The following PDE4D variants were observed in gnomAD, a reference collection of about 807,000 sequenced individuals.
The protein encoded by PDE4D is 3',5'-cyclic-AMP phosphodiesterase 4D.
A neutral mutation model predicts 87.4 loss-of-function variants in PDE4D; 24 were observed. That is an observed-to-expected ratio of 0.27 (90% CI 0.20 to 0.39). The LOEUF (loss-of-function observed/expected upper bound fraction) is 0.39. Among genes scored for constraint, PDE4D ranks in the 10% least tolerant of loss-of-function variants. The pLI is 1.00. For missense variants in PDE4D, 714 were observed against 1,041.0 expected, an observed-to-expected ratio of 0.69 and a Z score of 4.32; for synonymous variants, 384 against 383.2, an observed-to-expected ratio of 1.00 and a Z score of -0.02.
At chr5:60,344,138 C>G (rs1044384092) in intron 1 of PDE4D, among the ~76,000 whole-genome samples, 63 of 148,418 alleles carry the variant, frequency 4.2e-4, no homozygotes, top group Admixed American at 4.2e-3. Context: ...GACAACATAA[C>G]AATAGGTTAG....
chr5:60,162,425 T>A (rs1347844083), intron 2 of PDE4D, among the ~76,000 whole-genome samples: 1 of 152,154 alleles, frequency 6.6e-6, no homozygotes, highest in Non-Finnish European at 1.5e-5. Flanking sequence ...TAAAACCTTT[T>A]GTTGGGTTTT....
chr5:60,185,497 A>G, intron 2 of PDE4D: 1 of 1,194,538 alleles, frequency 8.4e-7, no homozygotes, highest in Non-Finnish European at 1.2e-6. Flanking sequence ...ATCCAAAACC[A>G]AAACTAAAAT....
At chr5:60,427,104 A>T (rs1743789057) in intron 1 of PDE4D, among the ~76,000 whole-genome samples, 1 of 152,200 alleles carries the variant, frequency 6.6e-6, no homozygotes, top group African/African-American at 2.4e-5. Context: ...ATGTAATTGG[A>T]ATCCTAGAAA....
At position 60,229,231 on chromosome 5, in the gene PDE4D, A is replaced by T. The variant is rs1196054556; in HGVS notation, c.-89-43544T>A. ...AAAAAATAAACATCCTGGCACTTCA[A>T]TATATTCACTTCAGAACTTTGGTCC... On this transcript the variant is annotated intron_variant, in intron 1 of 16. Transcript: ENST00000502484. 2.6e-5 allele frequency among the ~76,000 whole-genome samples: 4 copies of T among 152,144 alleles called. No individual in the cohort carries two copies. In the East Asian group the frequency reaches 5.8e-4, roughly 22 times the overall value.
chr5:60,505,946 G>A (rs1198372882), intron 1 of PDE4D, among the ~76,000 whole-genome samples: 2 of 152,222 alleles, frequency 1.3e-5, no homozygotes, highest in East Asian at 1.9e-4. Flanking sequence ...GCCCAGTCAG[G>A]AAGCAGCTGA....
At chr5:60,304,200 G>A (rs1754212827) in intron 1 of PDE4D, 1 of 152,080 alleles carries the variant, frequency 6.6e-6, no homozygotes, top group African/African-American at 2.4e-5. Flanking sequence ...TTCTTGGTTT[G>A]GGGAATTTTA....
intron 2 of PDE4D, among the ~76,000 whole-genome samples, chr5:60,052,490 C>A (rs777658876): frequency 5.9e-5 from 9 of 152,074 alleles, no homozygotes; most frequent in Non-Finnish European, 1.2e-4. Context: ...ATTCAACACC[C>A]CTTCATGCTA....
At chr5:59,115,753 G>A (rs2153442089) in intron 5 of PDE4D, among the ~76,000 whole-genome samples, 1 of 152,278 alleles carries the variant, frequency 6.6e-6, no homozygotes. Flanking sequence ...TAGATATCAT[G>A]CTTATCAACA....
At chr5:59,796,601 A>G (rs888434322) in intron 1 of PDE4D, among the ~76,000 whole-genome samples, 4 of 152,242 alleles carry the variant, frequency 2.6e-5, no homozygotes, top group African/African-American at 9.6e-5. Flanking sequence ...TTTAGCTCCT[A>G]TTATAATTAC....
chr5:59,381,933 T>C (rs979578928), intron 1 of PDE4D, among the ~76,000 whole-genome samples: 2 of 152,160 alleles, frequency 1.3e-5, no homozygotes, highest in Non-Finnish European at 2.9e-5. Context: ...ACTAGGGGCT[T>C]AGAAAAGTGA....
At chr5:59,659,097 G>T (rs375194749) in intron 1 of PDE4D, among the ~76,000 whole-genome samples, 2 of 152,146 alleles carry the variant, frequency 1.3e-5, no homozygotes, top group Non-Finnish European at 2.9e-5. Context: ...GATTTTCACC[G>T]TCAAAGGAGA....
intron 1 of PDE4D, among the ~76,000 whole-genome samples, chr5:59,859,251 T>C (rs1362327279): frequency 6.6e-6 from 1 of 152,212 alleles, no homozygotes; most frequent in Non-Finnish European, 1.5e-5. Context: ...CTTAAAGACA[T>C]GAGAGGTGCC....
chr5:59,861,092 A>G (rs1206616854), intron 1 of PDE4D, among the ~76,000 whole-genome samples: 2 of 149,646 alleles, frequency 1.3e-5, no homozygotes, highest in Non-Finnish European at 1.5e-5. Context: ...GCTGGTTTCG[A>G]ACTCCTGACC....
chr5:60,043,930 T>G (rs182729660), intron 2 of PDE4D, among the ~76,000 whole-genome samples: 4 of 152,302 alleles, frequency 2.6e-5, no homozygotes, highest in Admixed American at 2.0e-4. Flanking sequence ...CTTTAAATAT[T>G]TCACGCTACC....
intron 2 of PDE4D, among the ~76,000 whole-genome samples, chr5:60,182,157 A>C (rs1249785696): frequency 1.3e-5 from 2 of 152,258 alleles, no homozygotes; most frequent in Non-Finnish European, 2.9e-5. Flanking sequence ...CAAACTAAGA[A>C]TAGTGAAGAA....
rs764264684 is a variant in PDE4D, at chr5:60,157,702, T to C, written c.42+27855A>G. On this transcript the variant is annotated intron_variant, in intron 2 of 16. Coordinates refer to the PDE4D transcript ENST00000502484. ...ACGAAAACTAACTTCTTAAACTTCC[T>C]AGATTTCATGGTCTTTCTTCTCAGA... 4.4e-4 allele frequency among the ~76,000 whole-genome samples: 67 copies of C among 152,180 alleles called. 1 individual carries two copies. Among genetic ancestry groups the C allele is most frequent in the Non-Finnish European group, 1.0e-4 (7 of 68,012 alleles).
At chr5:59,159,068 T>C (rs1161995287) in intron 5 of PDE4D, among the ~76,000 whole-genome samples, 1 of 152,276 alleles carries the variant, frequency 6.6e-6, no homozygotes, top group African/African-American at 2.4e-5. Context: ...AAAAATACCA[T>C]GTTTGCTGGA....
intron 2 of PDE4D, among the ~76,000 whole-genome samples, chr5:59,198,281 GAA>G (rs1300636807): frequency 2.0e-5 from 3 of 151,732 alleles, no homozygotes; most frequent in African/African-American, 2.4e-5. Context: ...GGAAGGCTCA[GAA>G]AAAAAGTCAT....
In PDE4D at chr5:59,146,483, G is replaced by T. The variant is rs568103187; in HGVS notation, c.808+34112C>A. 2.0e-5 allele frequency among the ~76,000 whole-genome samples: 3 copies of T among 152,092 alleles called. No homozygotes were observed. The South Asian group carries it at 6.2e-4, about 32-fold the overall frequency. ...GTACTACAGGCAAGGTATGATGGAA[G>T]TGCCACATTCTCAAAGCCACTGAAG... On this transcript the variant is annotated intron_variant, in intron 5 of 14. Transcript: ENST00000340635.
Sources: allele counts gnomAD v4.1 joint callset (sites outside exome capture counted in the v4.1 genomes callset), GRCh38; gene constraint gnomAD v4.1.1; transcripts MANE v1.5; gene names NCBI Gene and HGNC (gene_info 2026-07-23, HGNC 2026-07-21).